The following LY86 variants were observed in gnomAD, a reference collection of about 807,000 sequenced individuals.
LY86 encodes MD-1, RP105-associated.
A neutral mutation model predicts 17.3 loss-of-function variants in LY86; 20 were observed. The ratio of observed to expected loss-of-function variants is 1.15; its 90% CI spans 0.81 to 1.68. The LOEUF is 1.68. Among genes scored for constraint, LY86 ranks in the 40% most tolerant of loss-of-function variants. The probability of loss-of-function intolerance (pLI) is 0.00; values close to 1 mark genes in which losing one functional copy is unlikely to be tolerated. For missense variants in LY86, 200 were observed against 191.9 expected (o/e 1.04, Z -0.25); for synonymous variants, 74 against 70.6 (o/e 1.05, Z -0.24).
intron 3 of LY86, among the ~76,000 whole-genome samples, chr6:6,633,311 G>A (rs1761919357): frequency 1.3e-5 from 2 of 152,188 alleles, no homozygotes; most frequent in African/African-American, 2.4e-5. Context: ...TGAACCTGGC[G>A]ATTTGGGTAG....
At chr6:6,615,852 C>A (rs183538177) in intron 1 of LY86, among the ~76,000 whole-genome samples, 26 of 151,876 alleles carry the variant, frequency 1.7e-4, no homozygotes, top group African/African-American at 6.0e-4. Flanking sequence ...CAGAACCAGA[C>A]CCTATCTCAA....
chr6:6,647,688 C>A (rs185598775), intron 3 of LY86, among the ~76,000 whole-genome samples: 3 of 152,132 alleles, frequency 2.0e-5, no homozygotes, highest in African/African-American at 7.2e-5. Flanking sequence ...CTCCACTGAC[C>A]GTCTCTTCTT....
chr6:6,636,942 C>T (rs1185122815), intron 3 of LY86, among the ~76,000 whole-genome samples: 3 of 131,472 alleles, frequency 2.3e-5, no homozygotes, highest in Admixed American at 7.9e-5. Context: ...CTAGAGGGTA[C>T]AAGCAATGAC....
chr6:6,602,505 G>T (rs1431311690), intron 1 of LY86, among the ~76,000 whole-genome samples: 3 of 152,172 alleles, frequency 2.0e-5, no homozygotes, highest in Admixed American at 2.0e-4. Context: ...CTTAAATATT[G>T]CTTAAGTTTA....
chr6:6,612,075 A>G (rs1266502271), intron 1 of LY86, among the ~76,000 whole-genome samples: 2 of 152,242 alleles, frequency 1.3e-5, no homozygotes, highest in Non-Finnish European at 2.9e-5. Flanking sequence ...CCAATGTATT[A>G]GCAAGATTTG....
At chr6:6,600,397 C>T (rs1760861912) in intron 1 of LY86, among the ~76,000 whole-genome samples, 1 of 151,748 alleles carries the variant, frequency 6.6e-6, no homozygotes, top group South Asian at 2.1e-4. Context: ...CGAGATCAGT[C>T]GGTCCAACAT....
At chr6:6,622,821 G>A (rs1195016184) in intron 1 of LY86, 1 of 152,200 alleles carries the variant, frequency 6.6e-6, no homozygotes, top group Non-Finnish European at 1.5e-5. Flanking sequence ...CCATATGCCT[G>A]CACACAAAAT....
Position 6,649,629 on chromosome 6 carries a change from G to T in LY86, c.357G>T (p.Gln119His), listed in dbSNP as rs779087389. 5 of 1,560,390 alleles carry T rather than the reference G, an allele frequency of 3.2e-6. No homozygotes were observed. The highest frequency in any genetic ancestry group is 4.4e-6 in the Non-Finnish European group (5 of 1,140,302). Reference protein sequence around the residue: ...FSFCGRRKGEQIYYAGPVNNP... With the variant: ...FSFCGRRKGEHIYYAGPVNNP... ...ATGCTTTATATATTTTTTCAGAGCA[G>T]ATTTACTATGCTGGGCCTGTCAATA... Residue 119 changes from glutamine (Q) to histidine (H), a missense_variant, in exon 4 of 5, where the codon CAG (glutamine) becomes CAT (histidine). Transcript: ENST00000230568.
At chr6:6,600,036 T>C (rs559347689) in intron 1 of LY86, among the ~76,000 whole-genome samples, 1 of 152,330 alleles carries the variant, frequency 6.6e-6, no homozygotes, top group East Asian at 1.9e-4. Context: ...CCCCACGTCC[T>C]GTTTTGCCCA....
intron 3 of LY86, among the ~76,000 whole-genome samples, chr6:6,647,930 T>C (rs553939935): frequency 1.3e-5 from 2 of 151,736 alleles, no homozygotes; most frequent in South Asian, 4.2e-4. Flanking sequence ...GGATTCTTAT[T>C]AACCATCTCC....
At chr6:6,602,766 T>G (rs1265804806) in intron 1 of LY86, among the ~76,000 whole-genome samples, 2 of 152,142 alleles carry the variant, frequency 1.3e-5, no homozygotes, top group Non-Finnish European at 2.9e-5. Flanking sequence ...CACCTGTTAT[T>G]TGTTGAGAGC....
chr6:6,613,752 C>T (rs968755285), intron 1 of LY86, among the ~76,000 whole-genome samples: 1 of 152,240 alleles, frequency 6.6e-6, no homozygotes, highest in East Asian at 1.9e-4. Flanking sequence ...GCGCCAAGGC[C>T]GAGGAGGCCC....
chr6:6,604,350 A>G (rs564524693), intron 1 of LY86, among the ~76,000 whole-genome samples: 12 of 152,354 alleles, frequency 7.9e-5, no homozygotes, highest in African/African-American at 2.9e-4. Flanking sequence ...AATTAAAAAA[A>G]CTCAAAACAT....
chr6:6,595,037 A>G (rs956296090), intron 1 of LY86, among the ~76,000 whole-genome samples: 2 of 152,080 alleles, frequency 1.3e-5, no homozygotes, highest in Admixed American at 1.3e-4. Flanking sequence ...ACAAAAGATA[A>G]GTCTTCGGGT....
chr6:6,618,429 A>ATT (rs72090806), intron 1 of LY86, among the ~76,000 whole-genome samples: 2,589 of 149,262 alleles, frequency 0.017, 54 homozygotes, highest in South Asian at 0.086. Context: ...TATGAATTCA[A>ATT]TTTTTTTTTT....
intron 1 of LY86, among the ~76,000 whole-genome samples, chr6:6,596,517 A>AG (rs1760718615): frequency 6.6e-6 from 1 of 152,102 alleles, no homozygotes; most frequent in Non-Finnish European, 1.5e-5. Context: ...AGGATATAAA[A>AG]GTATAATTTA....
intron 3 of LY86, among the ~76,000 whole-genome samples, chr6:6,638,731 G>A (rs570678228): frequency 3.3e-5 from 5 of 151,532 alleles, no homozygotes; most frequent in East Asian, 3.9e-4. Flanking sequence ...ATATGTATAC[G>A]TGTGCCATGC....
At chr6:6,633,082 A>G (rs1761916579) in intron 3 of LY86, among the ~76,000 whole-genome samples, 1 of 152,236 alleles carries the variant, frequency 6.6e-6, no homozygotes, top group African/African-American at 2.4e-5. Flanking sequence ...GGAAGATGAA[A>G]GTGAAATAAG....
At chr6:6,625,881 T>C (rs1057444576) in intron 2 of LY86, among the ~76,000 whole-genome samples, 3 of 152,202 alleles carry the variant, frequency 2.0e-5, no homozygotes, top group Non-Finnish European at 4.4e-5. Context: ...CCTGTGCACC[T>C]GTGCTGCAAT....
Sources: allele counts gnomAD v4.1 joint callset (sites outside exome capture counted in the v4.1 genomes callset), GRCh38; gene constraint gnomAD v4.1.1; transcripts MANE v1.5; gene names NCBI Gene and HGNC (gene_info 2026-07-23, HGNC 2026-07-21).